Variants in TAPT1 observed in about 807,000 individuals in gnomAD.
TAPT1 encodes transmembrane anterior posterior transformation 1, also known as transmembrane anterior posterior transformation protein 1 homolog.
A neutral mutation model predicts 65.6 loss-of-function variants in TAPT1; 28 were observed. The ratio of observed to expected loss-of-function variants is 0.43; its 90% CI spans 0.32 to 0.59. TAPT1 has a LOEUF of 0.59. TAPT1 is among the 20% of genes least tolerant of loss of function. The pLI is 0.09. For missense variants in TAPT1, 563 were observed against 679.9 expected, an observed-to-expected ratio of 0.83 and a Z score of 1.91; for synonymous variants, 278 against 245.2, an observed-to-expected ratio of 1.13 and a Z score of -1.25.
intron 7 of TAPT1, among the ~76,000 whole-genome samples, chr4:16,185,530 A>T (rs1379841114): frequency 6.6e-6 from 1 of 151,992 alleles, no homozygotes; most frequent in East Asian, 1.9e-4. Context: ...CACCACACCC[A>T]GCTAATTTTG....
intron 13 of TAPT1, among the ~76,000 whole-genome samples, chr4:16,164,402 C>A (rs181728247): frequency 6.6e-6 from 1 of 152,262 alleles, no homozygotes; most frequent in East Asian, 1.9e-4. Context: ...CTTCAACACC[C>A]TCCTGCATGT....
At position 16,213,823 on chromosome 4, in the gene TAPT1, G is replaced by A; in HGVS notation, c.275C>T (p.Thr92Ile). The A allele has an allele frequency of 1.2e-6, 2 of 1,606,950 alleles. No individual in the cohort carries two copies. The highest frequency in any genetic ancestry group is 1.7e-6 in the Non-Finnish European group (2 of 1,177,872). Residue 92 changes from threonine to isoleucine, a missense_variant, in exon 2 of 14, where the codon ACA becomes ATA. Transcript: ENST00000405303. ...YFLEHNEAKY[T>I]ERRERVYTCL... is the part of the protein sequence containing the mutation. ...AGTGTATACTCTTTCTCTTCTTTCTGTATACTTGGCCTCATTATGTTCAAG... is the reference window on the plus strand; with the variant it reads ...AGTGTATACTCTTTCTCTTCTTTCTATATACTTGGCCTCATTATGTTCAAG...
chr4:16,197,253 G>A (rs538500159), intron 3 of TAPT1, among the ~76,000 whole-genome samples: 2 of 152,200 alleles, frequency 1.3e-5, no homozygotes, highest in East Asian at 3.9e-4. Context: ...CCGGGCCAGG[G>A]GACAGAACAT....
intron 1 of TAPT1, among the ~76,000 whole-genome samples, chr4:16,215,147 C>T (rs544823508): frequency 2.6e-5 from 4 of 151,978 alleles, no homozygotes; most frequent in South Asian, 4.2e-4. Flanking sequence ...AAAAATTAGC[C>T]GGGCGTGCCG....
chr4:16,216,148 CAT>C (rs998286481), intron 1 of TAPT1: 4 of 152,220 alleles, frequency 2.6e-5, no homozygotes, highest in Admixed American at 6.5e-5. Flanking sequence ...CCTGTCCCTC[CAT>C]GTCACCTAAA....
In TAPT1 at chr4:16,175,305, G is replaced by A. The variant is rs576594058; in HGVS notation, c.1108-576C>T. Among the ~76,000 whole-genome samples the A allele has an allele frequency of 1.6e-4, 24 of 152,132 alleles. No individual in the cohort carries two copies. The South Asian group carries it at 5.0e-3, about 32-fold the overall frequency. On this transcript the variant is annotated intron_variant, in intron 9 of 13. Transcript: ENST00000405303. ...AATCATTCTGCATTAAGAAAGCTGAGAAAGTAAATGGTGAAATTACTTTAT... is the reference window on the plus strand; with the variant it reads ...AATCATTCTGCATTAAGAAAGCTGAAAAAGTAAATGGTGAAATTACTTTAT...
intron 1 of TAPT1, among the ~76,000 whole-genome samples, chr4:16,214,185 G>A (rs1225474329): frequency 2.0e-5 from 3 of 152,190 alleles, no homozygotes; most frequent in Admixed American, 6.5e-5. Flanking sequence ...GGTTCTTACA[G>A]GTGATACAGT....
chr4:16,187,495 C>T (rs1213914683), intron 5 of TAPT1, among the ~76,000 whole-genome samples: 2 of 152,042 alleles, frequency 1.3e-5, no homozygotes, highest in Non-Finnish European at 2.9e-5. Context: ...TGCTTTACTC[C>T]ATTAAAACTG....
At chr4:16,198,057 T>C (rs926027907) in intron 3 of TAPT1, among the ~76,000 whole-genome samples, 34 of 152,122 alleles carry the variant, frequency 2.2e-4, no homozygotes, top group African/African-American at 8.2e-4. Flanking sequence ...TGAACAGTAC[T>C]TAAACAACAG....
intron 13 of TAPT1, among the ~76,000 whole-genome samples, chr4:16,165,591 T>C (rs557447833): frequency 1.3e-5 from 2 of 150,380 alleles, no homozygotes; most frequent in Non-Finnish European, 3.0e-5. Flanking sequence ...AAAAAATACA[T>C]CATTTAAACT....
intron 13 of TAPT1, among the ~76,000 whole-genome samples, chr4:16,165,073 G>A (rs1392618854): frequency 6.6e-6 from 1 of 152,046 alleles, no homozygotes; most frequent in Non-Finnish European, 1.5e-5. Flanking sequence ...CCCTTCTGGA[G>A]TGCCCTTTCC....
chr4:16,216,252 T>C (rs1221248388), intron 1 of TAPT1: 2 of 152,284 alleles, frequency 1.3e-5, no homozygotes. Context: ...GATCCTTAAG[T>C]GTTTGCTGGT....
At chr4:16,222,431 ATTT>A (rs1228775066) in intron 1 of TAPT1, among the ~76,000 whole-genome samples, 1 of 152,140 alleles carries the variant, frequency 6.6e-6, no homozygotes, top group African/African-American at 2.4e-5. Flanking sequence ...CGGTTTTATT[ATTT>A]TTATTTTTCT....
chr4:16,213,979 A>G, intron 1 of TAPT1, 81 bp from the exon 2 acceptor site: 1 of 1,242,156 alleles, frequency 8.1e-7, no homozygotes, highest in Non-Finnish European at 1.1e-6. Context: ...CACAGGTAAT[A>G]TACATATAAA....
At chr4:16,227,089 C>T (rs1363170240), upstream of TAPT1, 1 of 454,954 alleles carries the variant, frequency 2.2e-6, no homozygotes, top group African/African-American at 2.0e-5. Flanking sequence ...CATATTTATG[C>T]TTGCCTGTTA....
At chr4:16,167,751 AT>A (rs1289131139) in intron 12 of TAPT1, among the ~76,000 whole-genome samples, 1 of 152,178 alleles carries the variant, frequency 6.6e-6, no homozygotes, top group Non-Finnish European at 1.5e-5. Flanking sequence ...TATTGTTGTT[AT>A]TTATATAACA....
intron 2 of TAPT1, among the ~76,000 whole-genome samples, chr4:16,212,814 G>A (rs1208805229): frequency 6.6e-6 from 1 of 152,122 alleles, no homozygotes; most frequent in Non-Finnish European, 1.5e-5. Flanking sequence ...GCTTCACCAA[G>A]AACCTACATA....
chr4:16,217,194 T>C (rs1286106760), intron 1 of TAPT1, among the ~76,000 whole-genome samples: 2 of 152,204 alleles, frequency 1.3e-5, no homozygotes, highest in East Asian at 3.8e-4. Flanking sequence ...TACCTGCACC[T>C]GCCTATGATT....
intron 3 of TAPT1, among the ~76,000 whole-genome samples, chr4:16,199,288 G>C (rs2037714968): frequency 6.6e-6 from 1 of 152,248 alleles, no homozygotes; most frequent in East Asian, 1.9e-4. Context: ...AGTGTTTGCA[G>C]GGGAAATCCT....
Sources: allele counts gnomAD v4.1 joint callset (sites outside exome capture counted in the v4.1 genomes callset), GRCh38; gene constraint gnomAD v4.1.1; transcripts MANE v1.5; gene names NCBI Gene and HGNC (gene_info 2026-07-23, HGNC 2026-07-21).